ERICH6B: variants seen among roughly 807,000 people sequenced by gnomAD.
The protein encoded by ERICH6B is glutamate rich 6B, also known as glutamate-rich protein 6B.
ERICH6B carries 69 observed loss-of-function variants against 80.0 expected under a neutral mutation model. That is an observed-to-expected ratio of 0.86 (90% CI 0.71 to 1.05). The LOEUF is 1.05. Ranked by LOEUF, ERICH6B falls within the 50% of genes least tolerant of loss-of-function variation. The probability of loss-of-function intolerance (pLI) is 0.00; values close to 1 mark genes in which losing one functional copy is unlikely to be tolerated. For synonymous variants in ERICH6B, 283 were observed against 291.9 expected, an observed-to-expected ratio of 0.97 and a Z score of 0.31; for missense variants, 754 against 796.1, an observed-to-expected ratio of 0.95 and a Z score of 0.64.
intron 11 of ERICH6B, among the ~76,000 whole-genome samples, chr13:45,555,670 T>G (rs1418030441): frequency 6.6e-6 from 1 of 152,042 alleles, no homozygotes; most frequent in Non-Finnish European, 1.5e-5. Flanking sequence ...TAGAGACCTA[T>G]GATGAAAAGA....
intron 5 of ERICH6B, among the ~76,000 whole-genome samples, chr13:45,581,611 A>G (rs1241934029): frequency 6.6e-6 from 1 of 152,226 alleles, no homozygotes; most frequent in Admixed American, 6.5e-5. Flanking sequence ...TCCTGACCTC[A>G]GGTGATCTGC....
chr13:45,568,509 T>G, intron 8 of ERICH6B, 58 bp from the exon 9 acceptor site: 1 of 1,418,084 alleles, frequency 7.1e-7, no homozygotes, highest in Non-Finnish European at 9.3e-7. Flanking sequence ...ATTTGTTAGT[T>G]AATCACTTTT....
intron 2 of ERICH6B, among the ~76,000 whole-genome samples, chr13:45,599,252 C>T (rs575143923): frequency 7.2e-5 from 11 of 152,162 alleles, no homozygotes; most frequent in Admixed American, 2.0e-4. Flanking sequence ...AGGGAGTAAC[C>T]GGATCTGCCT....
At chr13:45,545,227 T>G (rs1437709145) in intron 13 of ERICH6B, among the ~76,000 whole-genome samples, 1 of 152,134 alleles carries the variant, frequency 6.6e-6, no homozygotes, top group Non-Finnish European at 1.5e-5. Context: ...ACACACAGGC[T>G]CTTCCTGCTC....
chr13:45,606,518 TATATATATATATATATATATATATA>T (rs1949862456), intron 2 of ERICH6B, among the ~76,000 whole-genome samples: 1 of 15,380 alleles, frequency 6.5e-5, no homozygotes, highest in Non-Finnish European at 1.3e-4. Flanking sequence ...TATATATATA[TATATATATATATATATATATATATA>T]TATATTTTTT....
At chr13:45,593,757 G>A (rs1593323724) in intron 3 of ERICH6B, among the ~76,000 whole-genome samples, 1 of 152,350 alleles carries the variant, frequency 6.6e-6, no homozygotes, top group East Asian at 1.9e-4. Flanking sequence ...CTCTGCTCCT[G>A]TGGCAGACAT....
chr13:45,577,044 G>T (rs768961057), intron 7 of ERICH6B, among the ~76,000 whole-genome samples: 3 of 152,040 alleles, frequency 2.0e-5, no homozygotes. Context: ...GGAAGGGCCT[G>T]GGGGGAGTAT....
chr13:45,572,693 C>T (rs1476032496), intron 8 of ERICH6B, among the ~76,000 whole-genome samples: 1 of 152,112 alleles, frequency 6.6e-6, no homozygotes, highest in Non-Finnish European at 1.5e-5. Context: ...AAAATACAAA[C>T]TGGAAACAAA....
intron 3 of ERICH6B, among the ~76,000 whole-genome samples, chr13:45,592,168 A>C (rs959768617): frequency 1.3e-5 from 2 of 152,206 alleles, no homozygotes; most frequent in African/African-American, 4.8e-5. Flanking sequence ...CAATTAAAGG[A>C]GATACAGATT....
chr13:45,572,216 C>T (rs1298524961), intron 8 of ERICH6B, among the ~76,000 whole-genome samples: 3 of 152,186 alleles, frequency 2.0e-5, no homozygotes, highest in Non-Finnish European at 2.9e-5. Flanking sequence ...CTTCAGCTTT[C>T]CAGCCTCTAG....
chr13:45,608,788 A>G (rs1258061917), intron 1 of ERICH6B, among the ~76,000 whole-genome samples: 1 of 152,236 alleles, frequency 6.6e-6, no homozygotes, highest in Non-Finnish European at 1.5e-5. Flanking sequence ...TTCGGATGTA[A>G]CGATTCAATA....
In ERICH6B at chr13:45,605,375, G is replaced by A. The variant is rs148710671; in HGVS notation, c.-59+2189C>T. Among the ~76,000 whole-genome samples the A allele has an allele frequency of 1.1e-3, 160 of 152,286 alleles. 1 individual carries two copies. The highest frequency in any genetic ancestry group is 3.5e-3 in the African/African-American group (147 of 41,552). The stretch of plus-strand genomic sequence containing the variant: ...TCTTCTGTTTCCAGACTGGAGTATG[G>A]TCCCGCTTCTTCTCTATGCTTTAGC... On this transcript the variant is annotated intron_variant, in intron 2 of 14. Transcript: ENST00000298738.
At position 45,550,257 on chromosome 13, in the gene ERICH6B, G is replaced by A. The variant is rs1459688009; in HGVS notation, c.1467C>T (p.Leu489=). ...LYPNKNVYQI[L]FPDGTGQIHY... ...GTATCTGGCCTGTCCCATCAGGAAA[G>A]AGAATTTGATAGACATTCTTGTTGG... The change falls in exon 12 of 15, where the codon CTC becomes CTT. Residue 489 remains leucine (L), a synonymous_variant. Coordinates refer to ENST00000298738, the MANE Select transcript of ERICH6B (RefSeq NM_182542.3). 5 of 1,551,496 alleles carry A rather than the reference G, an allele frequency of 3.2e-6. No homozygotes were observed. Among genetic ancestry groups the A allele is most frequent in the Middle Eastern group, 1.7e-4 (1 of 6,014 alleles).
chr13:45,597,563 T>C (rs1032545905), intron 2 of ERICH6B, among the ~76,000 whole-genome samples: 1 of 152,032 alleles, frequency 6.6e-6, no homozygotes, highest in Non-Finnish European at 1.5e-5. Context: ...TGGTCAGAAG[T>C]CTGTGGGTCA....
chr13:45,577,785 G>A (rs1347250344), intron 7 of ERICH6B, among the ~76,000 whole-genome samples: 1 of 152,104 alleles, frequency 6.6e-6, no homozygotes, highest in Non-Finnish European at 1.5e-5. Context: ...TAGAGATGAG[G>A]TCTTGCTGTG....
In ERICH6B at chr13:45,541,544, A is replaced by T. The variant is rs947787600; in HGVS notation, c.2009T>A (p.Leu670Gln). 1.9e-6 allele frequency: 3 copies of T among 1,551,982 alleles called. No individual in the cohort carries two copies. The African/African-American group carries it at 4.1e-5, about 21-fold the overall frequency. ...RLLNYATTPD[L>Q]ENFIEAVSIS... ...ACTGACGGCCTCTATGAAGTTTTCC[A>T]GATCAGGGGTGGTCGCGTAATTCAG... The change falls in exon 15 of 15, where the codon CTG (leucine) becomes CAG (glutamine). Residue 670 changes from leucine to glutamine, a missense_variant. Leu to Gln is a moderately radical substitution (Grantham distance 113). Coordinates refer to ENST00000298738, the MANE Select transcript of ERICH6B (RefSeq NM_182542.3).
chr13:45,600,080 T>A (rs1949816969), intron 2 of ERICH6B, among the ~76,000 whole-genome samples: 1 of 152,204 alleles, frequency 6.6e-6, no homozygotes, highest in South Asian at 2.1e-4. Context: ...TACGGAAAGC[T>A]TTGGGACCCA....
intron 7 of ERICH6B, among the ~76,000 whole-genome samples, chr13:45,575,194 T>C (rs145986204): frequency 6.6e-6 from 1 of 152,022 alleles, no homozygotes; most frequent in African/African-American, 2.4e-5. Flanking sequence ...CTGGTGAGGG[T>C]CAGTCTGACA....
intron 8 of ERICH6B, among the ~76,000 whole-genome samples, chr13:45,571,225 C>G (rs1399215483): frequency 6.6e-6 from 1 of 152,156 alleles, no homozygotes; most frequent in Non-Finnish European, 1.5e-5. Flanking sequence ...CACCTGGACC[C>G]TGGAGTAGCA....
Sources: allele counts gnomAD v4.1 joint callset (sites outside exome capture counted in the v4.1 genomes callset), GRCh38; gene constraint gnomAD v4.1.1; transcripts MANE v1.5; gene names NCBI Gene and HGNC (gene_info 2026-07-23, HGNC 2026-07-21).